The following HMBOX1 variants were observed in gnomAD, a reference collection of about 807,000 sequenced individuals.
HMBOX1 encodes the protein homeobox containing 1.
Under a neutral mutation model 54.5 loss-of-function variants are expected in HMBOX1, and 14 were observed. The observed-to-expected ratio is 0.26, with a 90% CI of 0.17 to 0.40. The LOEUF is 0.40. HMBOX1 is among the 10% of genes least tolerant of loss of function. HMBOX1 has a pLI of 1.00. For missense variants in HMBOX1, 332 were observed against 514.4 expected (o/e 0.65, Z 3.43); for synonymous variants, 160 against 181.0 (o/e 0.88, Z 0.93).
intron 4 of HMBOX1, among the ~76,000 whole-genome samples, chr8:28,991,945 T>C (rs1426592519): frequency 2.0e-5 from 3 of 152,244 alleles, no homozygotes; most frequent in Non-Finnish European, 4.4e-5. Context: ...CCAACTGTTT[T>C]ATGTACTTGA....
chr8:29,037,053 C>G (rs1390571674), intron 6 of HMBOX1, among the ~76,000 whole-genome samples: 1 of 152,178 alleles, frequency 6.6e-6, no homozygotes, highest in Non-Finnish European at 1.5e-5. Context: ...TAGTACTCTT[C>G]TCTTTTCACG....
intron 6 of HMBOX1, among the ~76,000 whole-genome samples, chr8:29,034,325 C>A (rs182431271): frequency 6.6e-6 from 1 of 152,150 alleles, no homozygotes. Flanking sequence ...TACTTTGACA[C>A]GTCGTCCATG....
intron 1 of HMBOX1, among the ~76,000 whole-genome samples, chr8:28,934,326 G>A (rs146777309): frequency 6.6e-6 from 1 of 152,248 alleles, no homozygotes; most frequent in African/African-American, 2.4e-5. Context: ...CTGATAGAGG[G>A]TTTCTACTAA....
intron 1 of HMBOX1, among the ~76,000 whole-genome samples, chr8:28,924,236 A>G (rs972864491): frequency 2.0e-5 from 3 of 151,348 alleles, no homozygotes; most frequent in East Asian, 3.9e-4. Context: ...CCTCCCGAGT[A>G]GCTGGGACTA....
intron 1 of HMBOX1, among the ~76,000 whole-genome samples, chr8:28,925,869 A>G (rs1051244063): frequency 6.6e-6 from 1 of 152,180 alleles, no homozygotes; most frequent in Non-Finnish European, 1.5e-5. Context: ...TGAATCTACT[A>G]CTTTTAGACA....
At chr8:28,964,506 G>A (rs1826123387) in intron 2 of HMBOX1, among the ~76,000 whole-genome samples, 2 of 152,028 alleles carry the variant, frequency 1.3e-5, no homozygotes, top group South Asian at 2.1e-4. Context: ...AAAGTATTCC[G>A]GGAATTTCAG....
intron 1 of HMBOX1, among the ~76,000 whole-genome samples, chr8:28,928,059 C>T (rs770920586): frequency 1.3e-4 from 19 of 150,468 alleles, no homozygotes; most frequent in Admixed American, 2.7e-4. Flanking sequence ...CACTTGAACT[C>T]GGGAGGTGGA....
intron 7 of HMBOX1, among the ~76,000 whole-genome samples, chr8:29,045,799 A>C (rs1308948309): frequency 6.6e-6 from 1 of 152,234 alleles, no homozygotes; most frequent in African/African-American, 2.4e-5. Context: ...AGCTTTGTCA[A>C]TATAAGATTA....
chr8:28,917,635 G>A (rs549613516), intron 1 of HMBOX1, among the ~76,000 whole-genome samples: 1 of 152,116 alleles, frequency 6.6e-6, no homozygotes, highest in South Asian at 2.1e-4. Flanking sequence ...CAGTGTTAAG[G>A]CAAAAGCATT....
chr8:28,954,959 C>G (rs1019801876), intron 1 of HMBOX1, among the ~76,000 whole-genome samples: 1 of 152,112 alleles, frequency 6.6e-6, no homozygotes, highest in African/African-American at 2.4e-5. Flanking sequence ...TCTGGCAATA[C>G]AGTATCGACA....
intron 1 of HMBOX1, among the ~76,000 whole-genome samples, chr8:28,906,050 A>G (rs548229588): frequency 1.3e-5 from 2 of 152,346 alleles, no homozygotes; most frequent in African/African-American, 2.4e-5. Flanking sequence ...TTAGAATTTA[A>G]TCAGAGATTA....
At chr8:28,922,002 G>T (rs1182323708) in intron 1 of HMBOX1, among the ~76,000 whole-genome samples, 1 of 152,192 alleles carries the variant, frequency 6.6e-6, no homozygotes, top group South Asian at 2.1e-4. Flanking sequence ...ATGAACTAAT[G>T]TCATCAGGAA....
At chr8:28,956,661 G>T (rs1164536530) in intron 1 of HMBOX1, among the ~76,000 whole-genome samples, 1 of 151,980 alleles carries the variant, frequency 6.6e-6, no homozygotes, top group Non-Finnish European at 1.5e-5. Context: ...ATTCTGTCCT[G>T]CTCATTTGTG....
At chr8:29,028,145 G>A (rs1238859991) in intron 6 of HMBOX1, among the ~76,000 whole-genome samples, 1 of 152,116 alleles carries the variant, frequency 6.6e-6, no homozygotes, top group Non-Finnish European at 1.5e-5. Flanking sequence ...ATTTTAGCTT[G>A]AGAGTATCTC....
chr8:28,958,155 C>T (rs778386328), intron 1 of HMBOX1, among the ~76,000 whole-genome samples: 17 of 151,694 alleles, frequency 1.1e-4, no homozygotes, highest in South Asian at 2.1e-4. Context: ...TGAAAGATAC[C>T]GAGGTTTTGC....
intron 6 of HMBOX1, among the ~76,000 whole-genome samples, chr8:29,042,012 C>G (rs749238046): frequency 1.3e-5 from 2 of 152,026 alleles, no homozygotes; most frequent in South Asian, 4.1e-4. Flanking sequence ...AAAAGGAACC[C>G]GTAGGTCTTA....
At chr8:29,046,483 T>C (rs1000329330) in intron 7 of HMBOX1, 14 of 152,220 alleles carry the variant, frequency 9.2e-5, no homozygotes, top group Non-Finnish European at 1.9e-4. Flanking sequence ...AAAAATCACA[T>C]TGGACTTCAA....
intron 1 of HMBOX1, among the ~76,000 whole-genome samples, chr8:28,950,345 A>G (rs1386906629): frequency 6.6e-6 from 1 of 152,234 alleles, no homozygotes; most frequent in Non-Finnish European, 1.5e-5. Context: ...TGTACAGCAC[A>G]GTTTGGGAAC....
chr8:28,979,987 C>A, intron 3 of HMBOX1, 84 bp from the exon 4 acceptor site: 1 of 1,001,418 alleles, frequency 1.0e-6, no homozygotes, highest in Non-Finnish European at 1.6e-6. Flanking sequence ...TTCTCCCCAC[C>A]TCTCTGCTTC....
Sources: allele counts gnomAD v4.1 joint callset (sites outside exome capture counted in the v4.1 genomes callset), GRCh38; gene constraint gnomAD v4.1.1; transcripts MANE v1.5; gene names NCBI Gene and HGNC (gene_info 2026-07-23, HGNC 2026-07-21).